The following ABI3BP variants were observed in gnomAD, a reference collection of about 807,000 sequenced individuals.
ABI3BP encodes the protein target of Nesh-SH3.
Under a neutral mutation model 268.6 loss-of-function variants are expected in ABI3BP, and 216 were observed. That is an observed-to-expected ratio of 0.80 (90% CI 0.72 to 0.90). The LOEUF is 0.90. Among genes scored for constraint, ABI3BP ranks in the 40% least tolerant of loss-of-function variants. The probability of loss-of-function intolerance (pLI) is 0.00; values close to 1 mark genes in which losing one functional copy is unlikely to be tolerated. For synonymous variants in ABI3BP, 730 were observed against 730.0 expected, an observed-to-expected ratio of 1.00 and a Z score of 0.00; for missense variants, 2,090 against 2,182.4, an observed-to-expected ratio of 0.96 and a Z score of 0.84.
At chr3:100,855,916 G>A (rs564823926) in intron 14 of ABI3BP, among the ~76,000 whole-genome samples, 1 of 152,248 alleles carries the variant, frequency 6.6e-6, no homozygotes, top group African/African-American at 2.4e-5. Context: ...TAGTTGGCCT[G>A]GAAATTTGTG....
intron 4 of ABI3BP, among the ~76,000 whole-genome samples, chr3:100,890,447 C>G (rs1221736360): frequency 6.6e-6 from 1 of 152,070 alleles, no homozygotes; most frequent in Non-Finnish European, 1.5e-5. Context: ...CAAAGATAAG[C>G]TTCTCAATAA....
chr3:100,846,586 C>A, intron 19 of ABI3BP, 140 bp from the exon 20 acceptor site: 1 of 559,756 alleles, frequency 1.8e-6, no homozygotes, highest in Admixed American at 3.3e-5. Context: ...TGGAAATATT[C>A]CATTAAGAGA....
intron 6 of ABI3BP, among the ~76,000 whole-genome samples, chr3:100,883,547 T>G (rs1274329093): frequency 6.6e-6 from 1 of 152,094 alleles, no homozygotes; most frequent in African/African-American, 2.4e-5. Context: ...AAACTACTGC[T>G]TTATCAGCAA....
In ABI3BP at chr3:100,939,587, T is replaced by C. The variant is rs528006560; in HGVS notation, c.80-13106A>G. 1.6e-3 allele frequency among the ~76,000 whole-genome samples: 236 copies of C among 152,078 alleles called. 2 individuals are homozygous for C. Among genetic ancestry groups the C allele is most frequent in the Middle Eastern group, 0.01 (3 of 294 alleles). On this transcript the variant is annotated intron_variant, in intron 1 of 67. Coordinates refer to ENST00000471714, the MANE Select transcript of ABI3BP (RefSeq NM_001375547.2). ...TTCAAAAGGGGAGGGAGTGTGCGAATAGGTGTGGGTCACAGACATCAAGTA... is the reference window on the plus strand; with the variant it reads ...TTCAAAAGGGGAGGGAGTGTGCGAACAGGTGTGGGTCACAGACATCAAGTA...
At chr3:100,844,132 G>A (rs2098741029) in intron 20 of ABI3BP, 1 of 985,038 alleles carries the variant, frequency 1.0e-6, no homozygotes. Flanking sequence ...ACAAAGCTGA[G>A]TGGTCTGTAA....
At chr3:100,810,337 T>C in intron 49 of ABI3BP, 75 bp downstream of exon 49, 2 of 1,289,760 alleles carry the variant, frequency 1.6e-6, no homozygotes, top group Non-Finnish European at 2.1e-6. Context: ...TCAGGGCCTC[T>C]GATATCTTGA....
chr3:100,922,346 A>G (rs1349274095), intron 2 of ABI3BP, among the ~76,000 whole-genome samples: 1 of 152,174 alleles, frequency 6.6e-6, no homozygotes, highest in African/African-American at 2.4e-5. Context: ...AGAACCTGTG[A>G]AGATGTGAGG....
At position 100,796,400 on chromosome 3, in the gene ABI3BP, T is replaced by C; in HGVS notation, c.3817+9A>G. On this transcript the variant is annotated intron_variant, in intron 52 of 67. Transcript: ENST00000471714. ...CTTCTTAGCCAGAAGGATGAAATAA[T>C]TAATTTACCAGGTTCGCTCTGAGAG... The C allele has an allele frequency of 2.5e-6, 4 of 1,569,842 alleles. No homozygotes were observed. Among genetic ancestry groups the C allele is most frequent in the Non-Finnish European group, 3.4e-6 (4 of 1,160,372 alleles).
intron 63 of ABI3BP, among the ~76,000 whole-genome samples, chr3:100,759,158 C>A (rs1043359942): frequency 6.6e-6 from 1 of 152,096 alleles, no homozygotes; most frequent in Non-Finnish European, 1.5e-5. Context: ...AGAAAGTCTA[C>A]CCTATAGCTG....
chr3:100,756,271 T>C (rs1394315023), intron 63 of ABI3BP, among the ~76,000 whole-genome samples: 1 of 152,208 alleles, frequency 6.6e-6, no homozygotes, highest in East Asian at 1.9e-4. Context: ...GTGCCTGTAA[T>C]CCCAGCACTT....
intron 4 of ABI3BP, among the ~76,000 whole-genome samples, chr3:100,893,867 A>G (rs896757684): frequency 1.3e-5 from 2 of 152,220 alleles, no homozygotes; most frequent in African/African-American, 4.8e-5. Context: ...CGACATGGGA[A>G]AGATGGGATC....
intron 33 of ABI3BP, 50 bp downstream of exon 33, chr3:100,829,531 C>A: frequency 1.4e-6 from 2 of 1,467,522 alleles, no homozygotes; most frequent in South Asian, 2.4e-5. Flanking sequence ...CTCTTTGGGT[C>A]CCACTGGGGT....
chr3:100,750,344 A>C lies in ABI3BP; in HGVS notation c.*151T>G. The C allele has an allele frequency of 1.9e-6, 1 of 538,012 alleles. No homozygotes were observed. The allele number at this position is 538,012 out of a possible 1,614,324, so 33.3% of individuals were successfully genotyped here. On this transcript the variant is annotated 3_prime_UTR_variant, in exon 68 of 68. Transcript: ENST00000471714. Reference sequence around the variant, plus strand: ...TAAAACCTGATAAATACTCTCAGCAATCTTTTCTAATAATAAACATCTAGT... The same window carrying C: ...TAAAACCTGATAAATACTCTCAGCACTCTTTTCTAATAATAAACATCTAGT...
At chr3:100,848,494 T>TA (rs1455820815) in intron 18 of ABI3BP, among the ~76,000 whole-genome samples, 2 of 150,574 alleles carry the variant, frequency 1.3e-5, no homozygotes, top group African/African-American at 4.9e-5. Flanking sequence ...TTCCCTGAGA[T>TA]AGAGTCTTGC....
chr3:100,774,803 T>A, intron 60 of ABI3BP, 130 bp from the exon 61 acceptor site: 1 of 728,300 alleles, frequency 1.4e-6, no homozygotes, highest in Non-Finnish European at 2.2e-6. Flanking sequence ...TTTTTTAAAA[T>A]TATACATATT....
intron 1 of ABI3BP, among the ~76,000 whole-genome samples, chr3:100,933,723 AT>A (rs2064713462): frequency 6.6e-6 from 1 of 151,834 alleles, no homozygotes; most frequent in South Asian, 2.1e-4. Flanking sequence ...CATGAAAAAA[AT>A]AACAAAAATT....
At chr3:100,946,508 G>C (rs569585384) in intron 1 of ABI3BP, among the ~76,000 whole-genome samples, 4 of 152,040 alleles carry the variant, frequency 2.6e-5, no homozygotes, top group Non-Finnish European at 4.4e-5. Flanking sequence ...GAGTTTGAAG[G>C]CTGGGTGTGG....
At chr3:100,788,464 C>T (rs898370546) in intron 56 of ABI3BP, among the ~76,000 whole-genome samples, 2 of 152,068 alleles carry the variant, frequency 1.3e-5, no homozygotes, top group African/African-American at 4.8e-5. Flanking sequence ...ATCTTTTGAT[C>T]CACTTTCTAG....
At chr3:100,763,418 A>G (rs1462104586) in intron 63 of ABI3BP, among the ~76,000 whole-genome samples, 1 of 150,630 alleles carries the variant, frequency 6.6e-6, no homozygotes, top group Non-Finnish European at 1.5e-5. Flanking sequence ...AGCCGAGATC[A>G]CACCATTGTG....
Sources: gnomAD v4.1 joint callset for allele counts (sites outside exome capture counted in the v4.1 genomes callset) on GRCh38, gnomAD v4.1.1 for gene constraint, MANE v1.5 for transcripts, NCBI Gene and HGNC (gene_info 2026-07-23, HGNC 2026-07-21) for gene names.